Variants in CCDC91 observed in about 807,000 individuals in gnomAD.
The protein encoded by CCDC91 is coiled-coil domain-containing protein 91.
A neutral mutation model predicts 63.2 loss-of-function variants in CCDC91; 48 were observed. The ratio of observed to expected loss-of-function variants is 0.76; its 90% CI spans 0.60 to 0.97. CCDC91 has a LOEUF of 0.97. Ranked by LOEUF, CCDC91 falls within the 50% of genes least tolerant of loss-of-function variation. The pLI, the probability that CCDC91 is intolerant of heterozygous loss-of-function variation, is 0.00. For synonymous variants in CCDC91, 167 were observed against 165.8 expected, an observed-to-expected ratio of 1.01 and a Z score of -0.06; for missense variants, 500 against 494.6, an observed-to-expected ratio of 1.01 and a Z score of -0.10.
At chr12:28,432,990 A>G (rs996368806) in intron 8 of CCDC91, among the ~76,000 whole-genome samples, 1 of 152,022 alleles carries the variant, frequency 6.6e-6, no homozygotes, top group Non-Finnish European at 1.5e-5. Flanking sequence ...ACATCTTTTC[A>G]TATGCTTATT....
chr12:28,218,327 C>G (rs1943700273), intron 1 of CCDC91, among the ~76,000 whole-genome samples: 1 of 152,096 alleles, frequency 6.6e-6, no homozygotes. Flanking sequence ...AGCATAGAGG[C>G]TGTGATAAAA....
At chr12:28,381,449 T>G (rs1565887493) in intron 7 of CCDC91, among the ~76,000 whole-genome samples, 1 of 152,136 alleles carries the variant, frequency 6.6e-6, no homozygotes, top group Non-Finnish European at 1.5e-5. Context: ...AATTATGTAT[T>G]ATAAAAATTA....
chr12:28,413,785 A>G (rs1377462507), intron 8 of CCDC91, among the ~76,000 whole-genome samples: 1 of 152,224 alleles, frequency 6.6e-6, no homozygotes, highest in Non-Finnish European at 1.5e-5. Context: ...TTCAAATAAA[A>G]CAATTGACAT....
chr12:28,462,219 A>G lies in CCDC91; in HGVS notation c.1101+9565A>G, dbSNP rs550571934. On this transcript the variant is annotated intron_variant, in intron 11 of 12. Transcript: ENST00000536442. Reference sequence around the variant, plus strand: ...TGAGATAAAAAGCAAATACTATGCAAAAACCATTGTGGAACAGAACATGAG... The same window carrying G: ...TGAGATAAAAAGCAAATACTATGCAGAAACCATTGTGGAACAGAACATGAG... Among the ~76,000 whole-genome samples the G allele has an allele frequency of 9.1e-4, 138 of 152,120 alleles. 1 individual carries two copies. Among genetic ancestry groups the G allele is most frequent in the Non-Finnish European group, 1.4e-3 (95 of 67,976 alleles).
chr12:28,408,454 T>C (rs1947107983), intron 8 of CCDC91, among the ~76,000 whole-genome samples: 1 of 152,148 alleles, frequency 6.6e-6, no homozygotes, highest in Non-Finnish European at 1.5e-5. Flanking sequence ...TACTTGTGCA[T>C]GCGTCTGACT....
Position 28,359,372 on chromosome 12 carries a change from T to C in CCDC91, c.577-3066T>C, listed in dbSNP as rs185249019. On this transcript the variant is annotated intron_variant, in intron 6 of 12. Coordinates refer to ENST00000536442, the MANE Select transcript of CCDC91 (RefSeq NM_018318.5). ...AATAATATATTCGTCTTTAGTTTCA[T>C]TTAAGGCATCTAGGGTAGTGTGCTT... Among the ~76,000 whole-genome samples, 65 of 152,378 alleles carry C rather than the reference T, an allele frequency of 4.3e-4. 1 individual carries two copies. The highest frequency in any genetic ancestry group is 2.2e-3 in the Admixed American group (33 of 15,304).
At chr12:28,254,545 A>G (rs1251087347) in intron 1 of CCDC91, among the ~76,000 whole-genome samples, 3 of 152,140 alleles carry the variant, frequency 2.0e-5, no homozygotes, top group Non-Finnish European at 2.9e-5. Context: ...GTTGATTTTC[A>G]TATTTTATAA....
intron 7 of CCDC91, among the ~76,000 whole-genome samples, chr12:28,381,532 G>A (rs1418149277): frequency 1.3e-5 from 2 of 152,066 alleles, no homozygotes; most frequent in Admixed American, 6.6e-5. Flanking sequence ...GGGATAATAT[G>A]CATAAAGTTG....
chr12:28,193,570 C>T (rs547801630), intron 1 of CCDC91, among the ~76,000 whole-genome samples: 1 of 150,430 alleles, frequency 6.6e-6, no homozygotes, highest in Admixed American at 6.6e-5. Flanking sequence ...CACTGCACTC[C>T]AGACTGGTGA....
At chr12:28,397,230 G>A (rs1243822257) in intron 8 of CCDC91, among the ~76,000 whole-genome samples, 1 of 152,080 alleles carries the variant, frequency 6.6e-6, no homozygotes, top group African/African-American at 2.4e-5. Context: ...CATTTCATAT[G>A]GCAACAAGAA....
intron 1 of CCDC91, among the ~76,000 whole-genome samples, chr12:28,243,265 G>T (rs1945468071): frequency 6.6e-6 from 1 of 152,200 alleles, no homozygotes; most frequent in Admixed American, 6.5e-5. Flanking sequence ...CCATAGGGAA[G>T]TGGTTACTGG....
At chr12:28,299,995 T>A (rs982367193) in intron 3 of CCDC91, among the ~76,000 whole-genome samples, 1 of 151,532 alleles carries the variant, frequency 6.6e-6, no homozygotes, top group Non-Finnish European at 1.5e-5. Flanking sequence ...ATACATGTTA[T>A]ACATATTAGT....
intron 12 of CCDC91, among the ~76,000 whole-genome samples, chr12:28,521,062 T>G (rs529080237): frequency 6.6e-6 from 1 of 152,314 alleles, no homozygotes; most frequent in South Asian, 2.1e-4. Flanking sequence ...CGGGCTCTTT[T>G]TGGGTTCCAT....
chr12:28,485,736 A>G (rs948251528), intron 12 of CCDC91, among the ~76,000 whole-genome samples: 1 of 152,188 alleles, frequency 6.6e-6, no homozygotes, highest in African/African-American at 2.4e-5. Flanking sequence ...TTCTGGGCCA[A>G]AGAGTCAATT....
chr12:28,538,780 C>G (rs1267698986), intron 12 of CCDC91, among the ~76,000 whole-genome samples: 1 of 152,098 alleles, frequency 6.6e-6, no homozygotes, highest in Admixed American at 6.5e-5. Flanking sequence ...TGTTTCCTGA[C>G]TTTTTAATGA....
At chr12:28,451,916 A>G (rs1380012848) in intron 10 of CCDC91, among the ~76,000 whole-genome samples, 4 of 151,676 alleles carry the variant, frequency 2.6e-5, no homozygotes, top group Non-Finnish European at 5.9e-5. Context: ...ACTAAAAAAC[A>G]TCATTACAGA....
chr12:28,534,336 A>G (rs1249389750), intron 12 of CCDC91, among the ~76,000 whole-genome samples: 1 of 152,206 alleles, frequency 6.6e-6, no homozygotes, highest in Non-Finnish European at 1.5e-5. Flanking sequence ...TTTATAATTT[A>G]TACAACTTTT....
intron 3 of CCDC91, among the ~76,000 whole-genome samples, chr12:28,266,557 G>A (rs1270181527): frequency 6.6e-6 from 1 of 151,878 alleles, no homozygotes; most frequent in Non-Finnish European, 1.5e-5. Context: ...AAATATTAAT[G>A]TGAAGAACTA....
At chr12:28,416,081 G>A (rs982434041) in intron 8 of CCDC91, among the ~76,000 whole-genome samples, 6 of 151,898 alleles carry the variant, frequency 4.0e-5, no homozygotes, top group Admixed American at 2.6e-4. Context: ...CACCTAGACA[G>A]CACTCCTCAC....
Sources: allele counts gnomAD v4.1 joint callset (sites outside exome capture counted in the v4.1 genomes callset), GRCh38; gene constraint gnomAD v4.1.1; transcripts MANE v1.5; gene names NCBI Gene and HGNC (gene_info 2026-07-23, HGNC 2026-07-21).